Variants in CUL9 observed in about 807,000 individuals in gnomAD.
CUL9 encodes cullin 9.
CUL9 carries 79 observed loss-of-function variants against 272.6 expected under a neutral mutation model. The ratio of observed to expected loss-of-function variants is 0.29; its 90% CI spans 0.24 to 0.35. CUL9 has a LOEUF of 0.35. Among genes scored for constraint, CUL9 ranks in the 10% least tolerant of loss-of-function variants. The pLI is 1.00. For missense variants in CUL9, 2,532 were observed against 3,255.6 expected (o/e 0.78, Z 5.41); for synonymous variants, 1,186 against 1,286.5 (o/e 0.92, Z 1.67).
chr6:43,198,608 G>A lies in CUL9; in HGVS notation c.2804-1G>A. The A allele has an allele frequency of 6.2e-7, 1 of 1,614,108 alleles. No homozygotes were observed. The highest frequency in any genetic ancestry group is 8.5e-7 in the Non-Finnish European group (1 of 1,179,978). On this transcript the variant is annotated splice_acceptor_variant, in intron 11 of 40. Coordinates refer to ENST00000252050, the MANE Select transcript of CUL9 (RefSeq NM_015089.4). LOFTEE classifies it high-confidence loss of function. ...TTTCCCTCTGGTGTGTCTGGCTGCA[G>A]CACTAGAGACCCCCATCATCCAGGG... is the stretch of plus-strand genomic sequence containing the variant.
intron 24 of CUL9, 134 bp from the exon 25 acceptor site, chr6:43,205,873 A>G: frequency 4.4e-6 from 3 of 683,682 alleles, no homozygotes; most frequent in Non-Finnish European, 7.3e-6. Context: ...ATTGGTGGAA[A>G]GGGAGTGGGA....
Position 43,224,483 on chromosome 6 carries a change from GT to G in CUL9, c.*39del. The G allele has an allele frequency of 6.3e-7, 1 of 1,583,406 alleles. No individual in the cohort carries two copies. The highest frequency in any genetic ancestry group is 2.2e-5 in the East Asian group (1 of 44,538). ...AGGAAACACCTAGAGCAGCCCCAGAGTCACGGGGCTGAGGGGGCGGGAGCTG... is the reference window on the plus strand; with the variant it reads ...AGGAAACACCTAGAGCAGCCCCAGAGCACGGGGCTGAGGGGGCGGGAGCTG... On this transcript the variant is annotated 3_prime_UTR_variant, in exon 41 of 41. Transcript: ENST00000252050. This position sits in a 1 kb window ranked among gnomAD's most constrained non-coding sequence, Gnocchi z 4.2.
At position 43,216,142 on chromosome 6, in the gene CUL9, C is replaced by T; in HGVS notation, c.5937-16C>T. 6.3e-7 allele frequency: 1 copy of T among 1,594,316 alleles called. No individual in the cohort carries two copies. The highest frequency in any genetic ancestry group is 1.1e-5 in the South Asian group (1 of 89,904). ...AGGGCAGGAATACTGACTTCTGTCTCTTCCCTCCCCACAAGCCCAGAAGCT... is the reference window on the plus strand; with the variant it reads ...AGGGCAGGAATACTGACTTCTGTCTTTTCCCTCCCCACAAGCCCAGAAGCT... On this transcript the variant is annotated splice_polypyrimidine_tract_variant and intron_variant, in intron 30 of 40. Coordinates refer to ENST00000252050, the MANE Select transcript of CUL9 (RefSeq NM_015089.4).
Position 43,202,737 on chromosome 6 carries a change from C to T in CUL9, c.3669C>T (p.Ala1223=). The T allele has an allele frequency of 6.2e-7, 1 of 1,614,122 alleles. No homozygotes were observed. Among genetic ancestry groups the T allele is most frequent in the East Asian group, 2.2e-5 (1 of 44,874 alleles). Residue 1223 remains alanine (A), a synonymous_variant, in exon 17 of 41, where the codon GCC becomes GCT. Coordinates refer to ENST00000252050, the MANE Select transcript of CUL9 (RefSeq NM_015089.4). ...CCAGGCAGCTCACTTTGCTGGTGGC[C>T]AGTGAGGACTCAAGCTACATGCCAG... is the stretch of plus-strand genomic sequence containing the variant. The part of the protein sequence containing the change: ...VLVRQLTLLV[A]SEDSSYMPAR...
At position 43,220,342 on chromosome 6, in the gene CUL9, C is replaced by T; in HGVS notation, c.6283-117C>T. The stretch of plus-strand genomic sequence containing the variant: ...GATCTAGAGGCAGGCTTGTTTCTGG[C>T]CTTCCACGTTGTAGTGGAGGGGAAG... On this transcript the variant is annotated intron_variant, in intron 31 of 40. Coordinates refer to ENST00000252050, the MANE Select transcript of CUL9 (RefSeq NM_015089.4). This position sits in a 1 kb window ranked among gnomAD's most constrained non-coding sequence, Gnocchi z 4.9. 2 of 1,217,832 alleles carry T rather than the reference C, an allele frequency of 1.6e-6. No homozygotes were observed. Among genetic ancestry groups the T allele is most frequent in the South Asian group, 1.4e-5 (1 of 71,014 alleles). The allele number at this position is 1,217,832 out of a possible 1,614,324, so 75.4% of individuals were successfully genotyped here. A position where few individuals can be genotyped will look rare whatever the true frequency, so the allele number is the denominator to read the frequency against.
rs770754797 is a variant in CUL9, at chr6:43,204,468, G to A, written c.4268G>A (p.Arg1423His). 2 of 1,614,100 alleles carry A rather than the reference G, an allele frequency of 1.2e-6. No homozygotes were observed. Among genetic ancestry groups the A allele is most frequent in the South Asian group, 1.1e-5 (1 of 91,082 alleles). The part of the protein sequence containing the change: ...SRAASFASRV[R>H]RLCHLLVHVE... Reference sequence around the variant, plus strand: ...GCAGCGTCCTTTGCTTCTCGAGTTCGTCGCCTTTGCCACTTGCTGGTGCAT... The same window carrying A: ...GCAGCGTCCTTTGCTTCTCGAGTTCATCGCCTTTGCCACTTGCTGGTGCAT... Residue 1423 changes from arginine (R) to histidine (H), a missense_variant, in exon 21 of 41, where the codon CGT becomes CAT. Coordinates refer to ENST00000252050, the MANE Select transcript of CUL9 (RefSeq NM_015089.4).
intron 4 of CUL9, among the ~76,000 whole-genome samples, chr6:43,186,662 G>C (rs911956022): frequency 2.0e-5 from 3 of 152,128 alleles, no homozygotes; most frequent in Non-Finnish European, 4.4e-5. Flanking sequence ...AAGTTCATGG[G>C]AGACTCACCC....
At position 43,224,240 on chromosome 6, in the gene CUL9, C is replaced by G; in HGVS notation, c.7359-10C>G. 1.2e-6 allele frequency: 2 copies of G among 1,614,132 alleles called. No individual in the cohort carries two copies. Among genetic ancestry groups the G allele is most frequent in the Non-Finnish European group, 1.7e-6 (2 of 1,179,992 alleles). On this transcript the variant is annotated splice_polypyrimidine_tract_variant and intron_variant, in intron 40 of 40. Coordinates refer to ENST00000252050, the MANE Select transcript of CUL9 (RefSeq NM_015089.4). This position sits in a 1 kb window ranked among gnomAD's most constrained non-coding sequence, Gnocchi z 4.2. ...GCCTCCTCTGGGCTGAGTGTGGTGG[C>G]TCTCCCTAGGCCCCAGGCCTCCTCA...
intron 9 of CUL9, among the ~76,000 whole-genome samples, chr6:43,194,793 C>A (rs553028486): frequency 6.6e-6 from 1 of 152,108 alleles, no homozygotes; most frequent in Non-Finnish European, 1.5e-5. Context: ...TGGTGGCTCA[C>A]GCCTGTAATC....
intron 26 of CUL9, among the ~76,000 whole-genome samples, chr6:43,211,752 ACCC>A (rs1199113154): frequency 6.6e-6 from 1 of 151,802 alleles, no homozygotes; most frequent in Non-Finnish European, 1.5e-5. Flanking sequence ...TTCAATCTGT[ACCC>A]CCATCTATTC....
At position 43,221,403 on chromosome 6, in the gene CUL9, T is replaced by C. The variant is rs963749567; in HGVS notation, c.6752+82T>C. On this transcript the variant is annotated intron_variant, in intron 34 of 40. Coordinates refer to ENST00000252050, the MANE Select transcript of CUL9 (RefSeq NM_015089.4). The surrounding 1 kb of genome is among the most constrained non-coding windows in gnomAD (Gnocchi z 4.2). Reference sequence around the variant, plus strand: ...CAGAAGGAGGGGGGAACGGGCTTAGTGTAAAGCTCAGCAAAAGAGGGTGGT... The same window carrying C: ...CAGAAGGAGGGGGGAACGGGCTTAGCGTAAAGCTCAGCAAAAGAGGGTGGT... 8 of 1,463,390 alleles carry C rather than the reference T, an allele frequency of 5.5e-6. No homozygotes were observed. In the African/African-American group the frequency reaches 1.1e-4, roughly 21 times the overall value. The allele number at this position is 1,463,390 out of a possible 1,614,324, so 90.7% of individuals were successfully genotyped here. A position where few individuals can be genotyped will look rare whatever the true frequency, so the allele number is the denominator to read the frequency against.
At chr6:43,217,992 C>T (rs1005406761) in intron 31 of CUL9, among the ~76,000 whole-genome samples, 1 of 152,128 alleles carries the variant, frequency 6.6e-6, no homozygotes, top group Non-Finnish European at 1.5e-5. Context: ...GAGGGAGACA[C>T]TCAGAGGTGA....
rs1355977607 is a variant in CUL9 at position 43,206,148 on chromosome 6, C to T, written c.4935C>T (p.Arg1645=). The T allele has an allele frequency of 6.2e-7, 1 of 1,614,070 alleles. No homozygotes were observed. The highest frequency in any genetic ancestry group is 1.1e-5 in the South Asian group (1 of 91,076). The change falls in exon 25 of 41, where the codon CGC becomes CGT. Residue 1645 remains arginine, a synonymous_variant. Coordinates refer to ENST00000252050, the MANE Select transcript of CUL9 (RefSeq NM_015089.4). This position sits in a 1 kb window ranked among gnomAD's most constrained non-coding sequence, Gnocchi z 4.8. ...TGAGCACCTCTGAGGAGCTGCAGCG[C>T]CAGTTCCACCTCTTCCAGCTCCAGC... The part of the protein sequence containing the change: ...QSLSTSEELQ[R]QFHLFQLQRL...
intron 26 of CUL9, among the ~76,000 whole-genome samples, chr6:43,207,469 T>A (rs1232722660): frequency 6.6e-6 from 1 of 152,236 alleles, no homozygotes; most frequent in Non-Finnish European, 1.5e-5. Context: ...TATCATTAGT[T>A]TATTCATTTA....
chr6:43,222,320 G>A lies in CUL9; in HGVS notation c.6851G>A (p.Ser2284Asn), dbSNP rs781169154. 1.9e-6 allele frequency: 3 copies of A among 1,614,100 alleles called. No homozygotes were observed. ...CTCCCAACGTATCCTTGCTAGGTAA[G>A]CAAGGCAGCTCGCCAGGAGAAGCGG... is the stretch of plus-strand genomic sequence containing the variant. Reference protein sequence around the residue: ...KDYYNCSAMVSKAARQEKRFQ... With the variant: ...KDYYNCSAMVNKAARQEKRFQ... The change falls in exon 36 of 41, where the codon AGC becomes AAC. Residue 2284 changes from serine (S) to asparagine (N), a missense_variant. By Grantham distance (46) the Ser-to-Asn change is conservative. Coordinates refer to ENST00000252050, the MANE Select transcript of CUL9 (RefSeq NM_015089.4).
intron 16 of CUL9, among the ~76,000 whole-genome samples, chr6:43,201,573 G>A (rs1364243794): frequency 6.6e-6 from 1 of 152,100 alleles, no homozygotes; most frequent in African/African-American, 2.4e-5. Flanking sequence ...TCTGCCTCCC[G>A]GGTTCACCCC....
At chr6:43,191,952 T>C (rs1773560644) in intron 8 of CUL9, among the ~76,000 whole-genome samples, 2 of 151,886 alleles carry the variant, frequency 1.3e-5, no homozygotes, top group Admixed American at 6.6e-5. Flanking sequence ...CTTATCTCTC[T>C]TCTCATCTAT....
At position 43,222,843 on chromosome 6, in the gene CUL9, A is replaced by G. The variant is rs752546727; in HGVS notation, c.7097A>G (p.Glu2366Gly). Reference sequence around the variant, plus strand: ...GACGCAGAGTACATGGATGTGGTGGAGCAGCAGACAGAGAACCTGGAGCTG... The same window carrying G: ...GACGCAGAGTACATGGATGTGGTGGGGCAGCAGACAGAGAACCTGGAGCTG... Reference protein sequence around the residue: ...SQDAEYMDVVEQQTENLELHT... With the variant: ...SQDAEYMDVVGQQTENLELHT... Residue 2366 changes from glutamate (E) to glycine (G), a missense_variant, in exon 38 of 41, where the codon GAG becomes GGG. Physicochemically the swap from Glu to Gly is moderately conservative, Grantham distance 98 (BLOSUM62 -2). Coordinates refer to ENST00000252050, the MANE Select transcript of CUL9 (RefSeq NM_015089.4). The G allele has an allele frequency of 1.2e-6, 2 of 1,614,008 alleles. No individual in the cohort carries two copies. Among genetic ancestry groups the G allele is most frequent in the Non-Finnish European group, 1.7e-6 (2 of 1,179,948 alleles).
chr6:43,210,603 T>A (rs1775397188), intron 26 of CUL9, among the ~76,000 whole-genome samples: 1 of 152,238 alleles, frequency 6.6e-6, no homozygotes, highest in Non-Finnish European at 1.5e-5. Context: ...GTTTTGCTTT[T>A]AACTTTGCCA....
Sources: allele counts gnomAD v4.1 joint callset (sites outside exome capture counted in the v4.1 genomes callset), GRCh38; gene constraint gnomAD v4.1.1; non-coding constraint Gnocchi (gnomAD v3.1); transcripts MANE v1.5; gene names NCBI Gene and HGNC (gene_info 2026-07-23, HGNC 2026-07-21).